CNGB3: variants seen among roughly 807,000 people sequenced by gnomAD.
The protein encoded by CNGB3 is cyclic nucleotide gated channel subunit beta 3, also known as cyclic nucleotide-gated channel beta-3.
In CNGB3, 86 loss-of-function variants were observed where a neutral mutation model predicts 92.8. The observed-to-expected ratio is 0.93, with a 90% CI of 0.78 to 1.11. The LOEUF is 1.11. Ranked by LOEUF, CNGB3 falls within the 50% of genes least tolerant of loss-of-function variation. The probability of loss-of-function intolerance (pLI) is 0.00; values close to 1 mark genes in which losing one functional copy is unlikely to be tolerated. For missense variants in CNGB3, 1,026 were observed against 956.8 expected, an observed-to-expected ratio of 1.07 and a Z score of -0.95; for synonymous variants, 333 against 332.7, an observed-to-expected ratio of 1.00 and a Z score of -0.01.
chr8:86,634,632 G>A (rs1171943331), intron 10 of CNGB3, among the ~76,000 whole-genome samples: 2 of 151,860 alleles, frequency 1.3e-5, no homozygotes, highest in African/African-American at 2.4e-5. Context: ...GGGACATTAA[G>A]ATTTTGTGTG....
rs1823749860 is a variant in CNGB3, at chr8:86,666,909, C to T, written c.852+16G>A. ...TATTCACGTTTCAGTTTCTGCCTTT[C>T]CCGAACCCCACTTACTATTATGTCT... On this transcript the variant is annotated intron_variant, in intron 6 of 17. Coordinates refer to ENST00000320005, the MANE Select transcript of CNGB3 (RefSeq NM_019098.5). The T allele has an allele frequency of 6.2e-7, 1 of 1,603,994 alleles. No homozygotes were observed. The highest frequency in any genetic ancestry group is 1.1e-5 in the South Asian group (1 of 90,800).
chr8:86,587,851 G>A (rs1266219236), intron 15 of CNGB3, among the ~76,000 whole-genome samples: 1 of 152,128 alleles, frequency 6.6e-6, no homozygotes, highest in East Asian at 1.9e-4. Flanking sequence ...GAACTTTAAA[G>A]TAGTATTTTC....
chr8:86,575,974 G>A lies in CNGB3; in HGVS notation c.2260C>T (p.Pro754Ser). ...GCAATAGGACTTGCTGTACATTCAGGTCTGTCCAGTGGCTTCTCTTCTGGC... is the reference window on the plus strand; with the variant it reads ...GCAATAGGACTTGCTGTACATTCAGATCTGTCCAGTGGCTTCTCTTCTGGC... ...REPEEKPLDR[P>S]ECTASPIAVE... Residue 754 changes from proline (P) to serine (S), a missense_variant, in exon 18 of 18, where the codon CCT becomes TCT. Coordinates refer to ENST00000320005, the MANE Select transcript of CNGB3 (RefSeq NM_019098.5). 1.9e-6 allele frequency: 3 copies of A among 1,613,964 alleles called. No homozygotes were observed. Among genetic ancestry groups the A allele is most frequent in the South Asian group, 2.2e-5 (2 of 91,046 alleles).
rs756438306 is a variant in CNGB3, at chr8:86,667,098, G to C, written c.679C>G (p.Leu227Val). The change falls in exon 6 of 18, where the codon CTT (leucine) becomes GTT (valine). Residue 227 changes from leucine (L) to valine (V), a missense_variant. Physicochemically the swap from Leu to Val is conservative, Grantham distance 32. Transcript: ENST00000320005. The stretch of plus-strand genomic sequence containing the variant: ...AAACAGCAGTTCCAGTTATAGGCAA[G>C]AGTGACAAGCAAGAGCCACAGGAGA... The part of the protein sequence containing the change: ...LYLLWLLLVT[L>V]AYNWNCCFIP... The C allele has an allele frequency of 3.7e-6, 6 of 1,614,016 alleles. No homozygotes were observed. The highest frequency in any genetic ancestry group is 4.2e-6 in the Non-Finnish European group (5 of 1,179,910).
At chr8:86,693,834 C>A (rs1824369973) in intron 3 of CNGB3, among the ~76,000 whole-genome samples, 2 of 151,024 alleles carry the variant, frequency 1.3e-5, no homozygotes, top group African/African-American at 4.8e-5. Context: ...AAAAGTCTCC[C>A]ATGTCTACTT....
intron 15 of CNGB3, among the ~76,000 whole-genome samples, chr8:86,587,663 T>C (rs1327509920): frequency 5.3e-5 from 8 of 151,716 alleles, no homozygotes; most frequent in Non-Finnish European, 8.8e-5. Context: ...TGCGGCGTTA[T>C]TTCTGAGGGC....
chr8:86,635,552 G>A (rs976197021), intron 10 of CNGB3, among the ~76,000 whole-genome samples: 1 of 151,776 alleles, frequency 6.6e-6, no homozygotes, highest in African/African-American at 2.4e-5. Flanking sequence ...TTAATTGGAA[G>A]TTTTCTGCCC....
intron 15 of CNGB3, among the ~76,000 whole-genome samples, chr8:86,593,591 G>A (rs1822101777): frequency 6.6e-6 from 1 of 152,062 alleles, no homozygotes. Context: ...ATTGCCACTA[G>A]GTACAAATGG....
chr8:86,711,166 C>T (rs895069277), intron 3 of CNGB3, among the ~76,000 whole-genome samples: 1 of 152,078 alleles, frequency 6.6e-6, no homozygotes. Flanking sequence ...GGGCTCTTTG[C>T]GAAAGGAAGG....
chr8:86,604,336 A>G, intron 14 of CNGB3, 125 bp from the exon 15 acceptor site: 1 of 649,532 alleles, frequency 1.5e-6, no homozygotes, highest in Non-Finnish European at 2.7e-6. Context: ...ACATTAGTGT[A>G]AAATTAATTA....
chr8:86,733,790 C>T (rs1825199248), intron 2 of CNGB3, among the ~76,000 whole-genome samples: 1 of 152,196 alleles, frequency 6.6e-6, no homozygotes, highest in African/African-American at 2.4e-5. Flanking sequence ...CTAATTGTTA[C>T]TGCCAAGGAC....
chr8:86,694,048 C>T lies in CNGB3; in HGVS notation c.339-22950G>A, dbSNP rs1315698050. On this transcript the variant is annotated intron_variant, in intron 3 of 17. Coordinates refer to ENST00000320005, the MANE Select transcript of CNGB3 (RefSeq NM_019098.5). ...CCGGGCAGAGGCGCCCCTCACCTCC[C>T]GGACGGGGCGGCTGGCCGGGCGGGG... Among the ~76,000 whole-genome samples, 10 of 136,520 alleles carry T rather than the reference C, an allele frequency of 7.3e-5. No individual in the cohort carries two copies. The South Asian group carries it at 1.0e-3, about 14-fold the overall frequency. The allele number at this position is 136,520 out of a possible 152,430, so 89.6% of individuals were successfully genotyped here.
rs192520927 is a variant in CNGB3, at chr8:86,609,081, C to T, written c.1662+2507G>A. Among the ~76,000 whole-genome samples, 995 of 152,220 alleles carry T rather than the reference C, an allele frequency of 6.5e-3. 9 individuals carry two copies. The highest frequency in any genetic ancestry group is 0.011 in the Non-Finnish European group (733 of 68,012). ...TTCCTTTTCCTGCCTTATTTGTCTCCACTGATGTTTTTGTTATTGAGTGAT... is the reference window on the plus strand; with the variant it reads ...TTCCTTTTCCTGCCTTATTTGTCTCTACTGATGTTTTTGTTATTGAGTGAT... On this transcript the variant is annotated intron_variant, in intron 14 of 17. Coordinates refer to ENST00000320005, the MANE Select transcript of CNGB3 (RefSeq NM_019098.5).
At chr8:86,636,077 A>T (rs1823065642) in intron 10 of CNGB3, among the ~76,000 whole-genome samples, 1 of 151,776 alleles carries the variant, frequency 6.6e-6, no homozygotes, top group African/African-American at 2.4e-5. Flanking sequence ...CCTAGATTCT[A>T]CCATTAACAT....
At chr8:86,705,013 C>T (rs1013259425) in intron 3 of CNGB3, among the ~76,000 whole-genome samples, 19 of 151,942 alleles carry the variant, frequency 1.3e-4, no homozygotes, top group Admixed American at 3.3e-4. Flanking sequence ...CTGATTGGCA[C>T]GAAAAATTAG....
intron 3 of CNGB3, among the ~76,000 whole-genome samples, chr8:86,718,170 C>T (rs999185372): frequency 5.3e-5 from 8 of 151,848 alleles, no homozygotes; most frequent in African/African-American, 1.9e-4. Flanking sequence ...AAGATCAGAG[C>T]AGAACTAAAT....
At chr8:86,691,658 G>A (rs1009625814) in intron 3 of CNGB3, among the ~76,000 whole-genome samples, 11 of 151,812 alleles carry the variant, frequency 7.2e-5, no homozygotes, top group African/African-American at 2.4e-4. Flanking sequence ...TATTTATTTT[G>A]TTTACTTTTC....
chr8:86,660,527 T>C (rs1311039944), intron 6 of CNGB3: 4 of 533,330 alleles, frequency 7.5e-6, no homozygotes, highest in African/African-American at 5.8e-5. Context: ...GGGACGATTT[T>C]TCTCATGCAT....
At chr8:86,715,693 G>T (rs1335153341) in intron 3 of CNGB3, among the ~76,000 whole-genome samples, 1 of 151,860 alleles carries the variant, frequency 6.6e-6, no homozygotes. Context: ...TGATTATTAA[G>T]CTAATCAAGG....
Sources: allele counts gnomAD v4.1 joint callset (sites outside exome capture counted in the v4.1 genomes callset), GRCh38; gene constraint gnomAD v4.1.1; transcripts MANE v1.5; gene names NCBI Gene and HGNC (gene_info 2026-07-23, HGNC 2026-07-21).